IGF2BP1: variants seen among roughly 807,000 people sequenced by gnomAD.
IGF2BP1 encodes the protein insulin-like growth factor 2 mRNA-binding protein 1.
IGF2BP1 carries 11 observed loss-of-function variants against 74.9 expected under a neutral mutation model. The ratio of observed to expected loss-of-function variants is 0.15; its 90% CI spans 0.09 to 0.24. The LOEUF (loss-of-function observed/expected upper bound fraction) is 0.24. IGF2BP1 is among the 10% of genes least tolerant of loss of function. IGF2BP1 has a pLI of 1.00. For synonymous variants in IGF2BP1, 287 were observed against 281.8 expected (o/e 1.02, Z -0.18); for missense variants, 440 against 757.4 (o/e 0.58, Z 4.92).
intron 6 of IGF2BP1, among the ~76,000 whole-genome samples, chr17:49,038,784 G>A (rs541991495): frequency 6.6e-6 from 1 of 152,122 alleles, no homozygotes; most frequent in East Asian, 1.9e-4. Flanking sequence ...ATCACTTAGT[G>A]TGGTAACAGG....
intron 14 of IGF2BP1, among the ~76,000 whole-genome samples, chr17:49,046,639 CAT>C (rs764036914): frequency 3.8e-4 from 56 of 149,004 alleles, no homozygotes; most frequent in Non-Finnish European, 1.6e-4. Context: ...ATATAAATAA[CAT>C]ATATATGAAT....
chr17:49,013,876 C>G (rs2041655736), intron 2 of IGF2BP1: 1 of 152,212 alleles, frequency 6.6e-6, no homozygotes, highest in African/African-American at 2.4e-5. Context: ...TGGAGCGAGT[C>G]GGGGCGCCCA....
intron 2 of IGF2BP1, among the ~76,000 whole-genome samples, chr17:49,000,847 T>C (rs1314570377): frequency 6.6e-6 from 1 of 152,136 alleles, no homozygotes; most frequent in Non-Finnish European, 1.5e-5. Context: ...TGCTTGCTTT[T>C]AAGTCATTTC....
chr17:49,055,648 A>T lies in IGF2BP1; in HGVS notation c.*6204A>T. On this transcript the variant is annotated 3_prime_UTR_variant, in exon 15 of 15. Transcript: ENST00000290341. ...TAATGAATAAACGTCCTCTATCACC[A>T]TTTGGAGTCTCCCTTTTCTCCAGGA... 1 of 398,524 alleles carries T rather than the reference A, an allele frequency of 2.5e-6. No homozygotes were observed. The highest frequency in any genetic ancestry group is 4.4e-6 in the Non-Finnish European group (1 of 226,040). The allele number at this position is 398,524 out of a possible 1,614,324, so 24.7% of individuals were successfully genotyped here.
chr17:49,048,183 C>T (rs1310817491), intron 14 of IGF2BP1, among the ~76,000 whole-genome samples: 2 of 151,892 alleles, frequency 1.3e-5, no homozygotes, highest in Non-Finnish European at 2.9e-5. Flanking sequence ...GGTATTTTGT[C>T]CATTTTTACA....
At chr17:49,042,170 C>T in intron 8 of IGF2BP1, 72 bp from the exon 9 acceptor site, 3 of 1,599,246 alleles carry the variant, frequency 1.9e-6, no homozygotes, top group Non-Finnish European at 2.6e-6. Flanking sequence ...CAGCTGGCCT[C>T]TCGTCTTTGT....
At position 49,052,757 on chromosome 17, in the gene IGF2BP1, A is replaced by G. The variant is rs915964646; in HGVS notation, c.*3313A>G. The G allele has an allele frequency of 5.9e-5, 9 of 152,678 alleles. No individual in the cohort carries two copies. Among genetic ancestry groups the G allele is most frequent in the Admixed American group, 5.9e-4 (9 of 15,280 alleles). The allele number at this position is 152,678 out of a possible 1,614,324, so 9.5% of individuals were successfully genotyped here. ...CTTGGTGAGATAACAAGCTATCGCG[A>G]AAAGCACTTGGGAGATTTGGATGAT... On this transcript the variant is annotated 3_prime_UTR_variant, in exon 15 of 15. Transcript: ENST00000290341.
Position 49,050,485 on chromosome 17 carries a change from T to C in IGF2BP1, c.*1041T>C, listed in dbSNP as rs1466565986. ...CCTCACCCCAGCCCATGTGCTCCCA[T>C]AAGGGCTGGTTCCTAGAGGCAGGGG... On this transcript the variant is annotated 3_prime_UTR_variant, in exon 15 of 15. Transcript: ENST00000290341. The C allele has an allele frequency of 6.6e-6, 1 of 152,174 alleles. No homozygotes were observed. Among genetic ancestry groups the C allele is most frequent in the East Asian group, 1.9e-4 (1 of 5,190 alleles). The allele number at this position is 152,174 out of a possible 1,614,324, so 9.4% of individuals were successfully genotyped here.
chr17:48,997,650 C>A lies in IGF2BP1; in HGVS notation c.-96C>A. On this transcript the variant is annotated 5_prime_UTR_variant, in exon 1 of 15. Transcript: ENST00000290341. This position sits in a 1 kb window ranked among gnomAD's most constrained non-coding sequence, Gnocchi z 4.8. ...GTGCAAAGAAAGTTTGCGGCTCCTG[C>A]CGCCGGCCTCTCCGCCTCTTGGCCT... The A allele has an allele frequency of 7.4e-7, 1 of 1,353,260 alleles. No homozygotes were observed. The highest frequency in any genetic ancestry group is 1.4e-5 in the South Asian group (1 of 73,910). The allele number at this position is 1,353,260 out of a possible 1,614,324, so 83.8% of individuals were successfully genotyped here.
intron 3 of IGF2BP1, 98 bp from the exon 4 acceptor site, chr17:49,026,368 C>A: frequency 9.6e-7 from 1 of 1,043,934 alleles, no homozygotes; most frequent in Non-Finnish European, 1.5e-6. Flanking sequence ...ATGGCTCTGT[C>A]AATGCCCGAT....
chr17:49,035,998 G>A (rs1254789919), intron 5 of IGF2BP1, among the ~76,000 whole-genome samples: 1 of 152,114 alleles, frequency 6.6e-6, no homozygotes, highest in Non-Finnish European at 1.5e-5. Context: ...ACGGCCAGCC[G>A]GTCACTGTTT....
At chr17:49,010,450 T>G (rs1415879452) in intron 2 of IGF2BP1, among the ~76,000 whole-genome samples, 4 of 150,818 alleles carry the variant, frequency 2.7e-5, no homozygotes, top group Admixed American at 2.6e-4. Flanking sequence ...CCCGAGAAGC[T>G]GGGACTACAG....
At chr17:49,001,508 T>C (rs943649416) in intron 2 of IGF2BP1, among the ~76,000 whole-genome samples, 2 of 152,186 alleles carry the variant, frequency 1.3e-5, no homozygotes, top group Non-Finnish European at 2.9e-5. Context: ...AGATATGCTG[T>C]AGCAATACCT....
chr17:49,045,086 C>A, intron 12 of IGF2BP1, 21 bp downstream of exon 12: 2 of 1,604,742 alleles, frequency 1.2e-6, no homozygotes, highest in Non-Finnish European at 1.7e-6. Flanking sequence ...TTATTGTTTT[C>A]CAAGCTGAAC....
At position 49,046,241 on chromosome 17, in the gene IGF2BP1, C is replaced by T. The variant is rs2042106475; in HGVS notation, c.1528-19C>T. On this transcript the variant is annotated intron_variant, in intron 13 of 14. Transcript: ENST00000290341. Reference sequence around the variant, plus strand: ...TGCTTTCTTGATGGCACCCTGAGCTCCTCTCTGGCCACCCCCAGGTGAACG... The same window carrying T: ...TGCTTTCTTGATGGCACCCTGAGCTTCTCTCTGGCCACCCCCAGGTGAACG... 2 of 1,606,300 alleles carry T rather than the reference C, an allele frequency of 1.2e-6. No individual in the cohort carries two copies. Among genetic ancestry groups the T allele is most frequent in the African/African-American group, 1.3e-5 (1 of 74,908 alleles).
intron 4 of IGF2BP1, among the ~76,000 whole-genome samples, chr17:49,026,752 C>T (rs2041863557): frequency 6.7e-6 from 1 of 149,886 alleles, no homozygotes; most frequent in South Asian, 2.1e-4. Flanking sequence ...TGCCTTCCTG[C>T]CTTCCTGCCT....
At chr17:49,033,986 AT>A (rs2041953058) in intron 5 of IGF2BP1, among the ~76,000 whole-genome samples, 2 of 151,588 alleles carry the variant, frequency 1.3e-5, no homozygotes, top group Non-Finnish European at 1.5e-5. Flanking sequence ...TGCTGGGCCA[AT>A]TTAAAAATTT....
chr17:49,010,557 C>T (rs1327422926), intron 2 of IGF2BP1, among the ~76,000 whole-genome samples: 1 of 152,064 alleles, frequency 6.6e-6, no homozygotes, highest in Non-Finnish European at 1.5e-5. Flanking sequence ...ACCTCGTGAT[C>T]TGCCCGCCTT....
Position 48,999,240 on chromosome 17 carries a change from C to T in IGF2BP1, c.236+71C>T. On this transcript the variant is annotated intron_variant, in intron 2 of 14. Transcript: ENST00000290341. ...GTGCTGTGAAGCTGTGTTCAGGGGT[C>T]CATAGCGTCTCCAGTGGAAGAAACC... is the stretch of plus-strand genomic sequence containing the variant. The T allele has an allele frequency of 4.4e-6, 4 of 908,406 alleles. No homozygotes were observed. The South Asian group carries it at 5.5e-5, about 13-fold the overall frequency. The allele number at this position is 908,406 out of a possible 1,614,324, so 56.3% of individuals were successfully genotyped here. A position where few individuals can be genotyped will look rare whatever the true frequency, so the allele number is the denominator to read the frequency against.
Sources: allele counts gnomAD v4.1 joint callset (sites outside exome capture counted in the v4.1 genomes callset), GRCh38; gene constraint gnomAD v4.1.1; non-coding constraint Gnocchi (gnomAD v3.1); transcripts MANE v1.5; gene names NCBI Gene and HGNC (gene_info 2026-07-23, HGNC 2026-07-21).